DGKB: variants seen among roughly 807,000 people sequenced by gnomAD.
DGKB encodes the protein diacylglycerol kinase beta, also known as 90 kDa diacylglycerol kinase.
A neutral mutation model predicts 114.3 loss-of-function variants in DGKB; 67 were observed. That is an observed-to-expected ratio of 0.59 (90% CI 0.48 to 0.72). The LOEUF is 0.72. Ranked by LOEUF, DGKB falls within the 30% of genes least tolerant of loss-of-function variation. DGKB has a pLI of 0.00. For synonymous variants in DGKB, 398 were observed against 323.1 expected, an observed-to-expected ratio of 1.23 and a Z score of -2.49; for missense variants, 907 against 975.2, an observed-to-expected ratio of 0.93 and a Z score of 0.93.
intron 4 of DGKB, among the ~76,000 whole-genome samples, chr7:14,750,438 G>A (rs926977591): frequency 1.3e-5 from 2 of 152,008 alleles, no homozygotes; most frequent in Admixed American, 6.6e-5. Context: ...TGTAACCTTC[G>A]ATGTTCAAAG....
chr7:14,250,940 G>A (rs1415772712), intron 23 of DGKB, among the ~76,000 whole-genome samples: 1 of 152,096 alleles, frequency 6.6e-6, no homozygotes, highest in Non-Finnish European at 1.5e-5. Context: ...TCTTATGTAA[G>A]CAGAGCCACC....
chr7:14,420,585 T>C (rs1206538952), intron 21 of DGKB, among the ~76,000 whole-genome samples: 1 of 152,072 alleles, frequency 6.6e-6, no homozygotes, highest in Non-Finnish European at 1.5e-5. Context: ...GACTTAAAAG[T>C]GAAAGTGGCT....
chr7:14,660,966 T>A (rs566414248), intron 13 of DGKB, among the ~76,000 whole-genome samples: 1 of 149,998 alleles, frequency 6.7e-6, no homozygotes, highest in Non-Finnish European at 1.5e-5. Context: ...GGATTCCCTA[T>A]TTAATAAATG....
chr7:14,973,490 G>GT (rs1012265443), intron 1 of DGKB, among the ~76,000 whole-genome samples: 1 of 139,684 alleles, frequency 7.2e-6, no homozygotes, highest in Non-Finnish European at 1.6e-5. Context: ...TTGTTGTTTT[G>GT]TTTTTTTGTT....
chr7:14,772,921 C>T (rs1837627002), intron 2 of DGKB, among the ~76,000 whole-genome samples: 1 of 151,548 alleles, frequency 6.6e-6, no homozygotes, highest in African/African-American at 2.4e-5. Context: ...GCACTGACTA[C>T]ATCTTCCAGC....
intron 6 of DGKB, 28 bp from the exon 7 acceptor site, chr7:14,701,758 G>C: frequency 1.3e-6 from 2 of 1,503,026 alleles, no homozygotes; most frequent in Non-Finnish European, 9.3e-7. Flanking sequence ...TTGAAAACAA[G>C]ATTATAGGCA....
chr7:14,216,725 C>CA (rs755191130), intron 23 of DGKB, among the ~76,000 whole-genome samples: 9,226 of 49,066 alleles, frequency 0.19, 823 homozygotes, highest in East Asian at 0.25. Context: ...GACTCCGTCT[C>CA]AAAAAAAAAA....
intron 2 of DGKB, among the ~76,000 whole-genome samples, chr7:14,769,070 TAAG>T (rs1207913155): frequency 1.2e-5 from 1 of 84,310 alleles, no homozygotes; most frequent in Non-Finnish European, 2.3e-5. Context: ...TTTTTAAAGA[TAAG>T]AAAGAAAGAA....
intron 1 of DGKB, among the ~76,000 whole-genome samples, chr7:14,897,211 C>T (rs1018436573): frequency 6.6e-6 from 1 of 151,700 alleles, no homozygotes; most frequent in Admixed American, 6.6e-5. Flanking sequence ...CACATAGATA[C>T]AATATTTGAA....
At chr7:14,730,044 C>G (rs568438007) in intron 5 of DGKB, among the ~76,000 whole-genome samples, 12 of 152,236 alleles carry the variant, frequency 7.9e-5, no homozygotes, top group Non-Finnish European at 1.5e-4. Flanking sequence ...GCAACAAGTA[C>G]CAGACATTTT....
intron 20 of DGKB, among the ~76,000 whole-genome samples, chr7:14,538,085 CA>C (rs58405374): frequency 0.029 from 1,305 of 44,706 alleles, 5 homozygotes; most frequent in South Asian, 0.083. Context: ...ATCTCTGTCT[CA>C]AAAAAAAAAA....
intron 23 of DGKB, among the ~76,000 whole-genome samples, chr7:14,227,681 C>T (rs1427739310): frequency 2.0e-5 from 3 of 151,886 alleles, no homozygotes; most frequent in Non-Finnish European, 2.9e-5. Flanking sequence ...ATTAAAAATG[C>T]AAATACTAAA....
At chr7:14,828,534 G>A (rs1353277576) in intron 2 of DGKB, among the ~76,000 whole-genome samples, 2 of 151,912 alleles carry the variant, frequency 1.3e-5, no homozygotes, top group Non-Finnish European at 1.5e-5. Flanking sequence ...CCCTCAAAAC[G>A]ACACCCCACC....
chr7:14,761,311 C>A (rs543593388), intron 2 of DGKB, among the ~76,000 whole-genome samples: 2 of 152,152 alleles, frequency 1.3e-5, no homozygotes, highest in Admixed American at 6.6e-5. Flanking sequence ...AACCTTTCAA[C>A]AGCATTGTTT....
chr7:14,739,849 T>A (rs1341394777), intron 4 of DGKB, among the ~76,000 whole-genome samples: 1 of 152,226 alleles, frequency 6.6e-6, no homozygotes, highest in African/African-American at 2.4e-5. Flanking sequence ...ACCTATCTTT[T>A]CTTTTACAAT....
At chr7:14,826,435 A>G (rs1407575245) in intron 2 of DGKB, among the ~76,000 whole-genome samples, 4 of 152,140 alleles carry the variant, frequency 2.6e-5, no homozygotes, top group Non-Finnish European at 5.9e-5. Flanking sequence ...TTCATGAATA[A>G]TTTGAACTTA....
Position 14,392,995 on chromosome 7 carries a change from G to GTTTTTGTTTTTGTTTTTTTTGTT in DGKB, c.1836-47605_1836-47604insAACAAAAAAAACAAAAACAAAAA. ...CAAAACAGACCTGTTTTTTGTTTTT[G>GTTTTTGTTTTTGTTTTTTTTGTT]TTTTTTTTTTTTTGAGACGGAGTCT... On this transcript the variant is annotated intron_variant, in intron 21 of 25. Transcript: ENST00000402815. 3.3e-5 allele frequency among the ~76,000 whole-genome samples: 2 copies of GTTTTTGTTTTTGTTTTTTTTGTT among 60,546 alleles called. 1 individual carries two copies. The highest frequency in any genetic ancestry group is 6.9e-5 in the Non-Finnish European group (2 of 29,028). 39.7% of individuals were successfully genotyped at this position (60,546 alleles called of 152,430 possible). A position where few individuals can be genotyped will look rare whatever the true frequency, so the allele number is the denominator to read the frequency against.
At chr7:14,563,812 C>A (rs911388413) in intron 20 of DGKB, among the ~76,000 whole-genome samples, 5 of 152,026 alleles carry the variant, frequency 3.3e-5, no homozygotes, top group African/African-American at 9.7e-5. Context: ...ATGGAAAAGA[C>A]CCCCAACAAC....
chr7:14,798,450 G>A (rs1293289718), intron 2 of DGKB, among the ~76,000 whole-genome samples: 1 of 117,044 alleles, frequency 8.5e-6, no homozygotes, highest in Non-Finnish European at 1.6e-5. Context: ...CCACCACCTG[G>A]CCTTTTGAGT....
Sources: allele counts gnomAD v4.1 joint callset (sites outside exome capture counted in the v4.1 genomes callset), GRCh38; gene constraint gnomAD v4.1.1; transcripts MANE v1.5; gene names NCBI Gene and HGNC (gene_info 2026-07-23, HGNC 2026-07-21).